The following SHISA9 variants were observed in gnomAD, a reference collection of about 807,000 sequenced individuals.
SHISA9 encodes the protein shisa family member 9.
SHISA9 carries 13 observed loss-of-function variants against 38.0 expected under a neutral mutation model. The observed-to-expected ratio is 0.34, with a 90% CI of 0.22 to 0.54. The LOEUF (loss-of-function observed/expected upper bound fraction) is 0.54. SHISA9 is among the 20% of genes least tolerant of loss of function. The pLI, the probability that SHISA9 is intolerant of heterozygous loss-of-function variation, is 0.91. For synonymous variants in SHISA9, 275 were observed against 242.0 expected, an observed-to-expected ratio of 1.14 and a Z score of -1.27; for missense variants, 538 against 575.8, an observed-to-expected ratio of 0.93 and a Z score of 0.67.
the SHISA9 span, among the ~76,000 whole-genome samples, chr16:13,497,781 C>G: frequency 6.6e-6 from 1 of 151,184 alleles, no homozygotes; most frequent in Non-Finnish European, 1.5e-5. Flanking sequence ...AGTTGACAGA[C>G]AGATACATGA....
chr16:13,438,584 A>C, the SHISA9 span, among the ~76,000 whole-genome samples: 1 of 152,358 alleles, frequency 6.6e-6, no homozygotes, highest in Middle Eastern at 3.4e-3. Flanking sequence ...ATGTAACTGA[A>C]AAATTAGACA....
intron 2 of SHISA9, among the ~76,000 whole-genome samples, chr16:13,178,326 GTT>G (rs11442158): frequency 3.5e-5 from 5 of 142,404 alleles, no homozygotes; most frequent in African/African-American, 7.7e-5. Flanking sequence ...CTCTCTCTGG[GTT>G]TTTTTTTTTT....
intron 2 of SHISA9, among the ~76,000 whole-genome samples, chr16:12,987,070 C>A (rs2072320720): frequency 1.3e-5 from 2 of 152,156 alleles, no homozygotes; most frequent in Non-Finnish European, 1.5e-5. Context: ...GAGGAACTGG[C>A]ACAGGTAAAT....
the SHISA9 span, among the ~76,000 whole-genome samples, chr16:13,385,762 C>A: frequency 2.0e-5 from 3 of 148,962 alleles, no homozygotes; most frequent in Admixed American, 6.7e-5. Context: ...AAATAGTACT[C>A]AGCAAAGAAA....
the SHISA9 span, among the ~76,000 whole-genome samples, chr16:13,392,173 C>T: frequency 6.6e-6 from 1 of 152,196 alleles, no homozygotes; most frequent in South Asian, 2.1e-4. Flanking sequence ...TTAGTTGTGT[C>T]TTCCTAATAT....
intron 1 of SHISA9, among the ~76,000 whole-genome samples, chr16:12,904,742 G>T (rs2071070432): frequency 6.6e-6 from 1 of 152,058 alleles, no homozygotes. Context: ...AGCTTCTAAG[G>T]TATGATTTTC....
chr16:13,259,483 C>T, the SHISA9 span, among the ~76,000 whole-genome samples: 1 of 152,222 alleles, frequency 6.6e-6, no homozygotes, highest in African/African-American at 2.4e-5. Context: ...AGTAGGGACT[C>T]TGTGTGGGGG....
chr16:13,258,320 C>T, the SHISA9 span: 3 of 152,128 alleles, frequency 2.0e-5, no homozygotes, highest in African/African-American at 2.4e-5. Context: ...TGTCCTTTAA[C>T]TTAACTTTTC....
chr16:13,217,636 G>T (rs376531148), intron 4 of SHISA9, among the ~76,000 whole-genome samples: 1 of 152,176 alleles, frequency 6.6e-6, no homozygotes, highest in South Asian at 2.1e-4. Flanking sequence ...TATAATAGGT[G>T]CTAAATAAGA....
intron 2 of SHISA9, among the ~76,000 whole-genome samples, chr16:12,930,778 T>C (rs1270451558): frequency 6.6e-6 from 1 of 152,188 alleles, no homozygotes; most frequent in Non-Finnish European, 1.5e-5. Flanking sequence ...CTCTAACAGT[T>C]ATGTTTCACA....
At chr16:13,423,726 T>C in the SHISA9 span, among the ~76,000 whole-genome samples, 1 of 152,162 alleles carries the variant, frequency 6.6e-6, no homozygotes, top group Admixed American at 6.5e-5. Context: ...TAAGGCTGTG[T>C]TCCAACCTGT....
intron 2 of SHISA9, among the ~76,000 whole-genome samples, chr16:13,117,843 G>A (rs185399514): frequency 7.2e-5 from 11 of 152,194 alleles, no homozygotes; most frequent in East Asian, 5.8e-4. Flanking sequence ...CTGGCTCTGC[G>A]GGAGCCTTTT....
intron 3 of SHISA9, among the ~76,000 whole-genome samples, chr16:13,212,150 C>G (rs1284860217): frequency 1.3e-5 from 2 of 152,136 alleles, no homozygotes; most frequent in African/African-American, 4.8e-5. Context: ...AGATGACAGA[C>G]TGTTCCCTGC....
At chr16:12,932,185 C>T (rs1325555990) in intron 2 of SHISA9, among the ~76,000 whole-genome samples, 1 of 152,078 alleles carries the variant, frequency 6.6e-6, no homozygotes, top group Admixed American at 6.6e-5. Context: ...TATAAATTAC[C>T]CAGTCTCAGG....
At chr16:13,469,322 G>GAAAGAAAGAAAGAAAGAAAGAA in the SHISA9 span, among the ~76,000 whole-genome samples, 16 of 72,024 alleles carry the variant, frequency 2.2e-4, no homozygotes, top group Admixed American at 1.7e-4. Context: ...GAGAGAGAGA[G>GAAAGAAAGAAAGAAAGAAAGAA]AAAGAAAGAA....
At chr16:13,131,579 T>G (rs564431194) in intron 2 of SHISA9, among the ~76,000 whole-genome samples, 1 of 152,106 alleles carries the variant, frequency 6.6e-6, no homozygotes, top group Admixed American at 6.6e-5. Flanking sequence ...TGTTTACCTA[T>G]GCAGCAAACC....
intron 2 of SHISA9, among the ~76,000 whole-genome samples, chr16:13,132,361 A>AT (rs900296120): frequency 1.3e-5 from 2 of 152,090 alleles, no homozygotes; most frequent in African/African-American, 2.4e-5. Flanking sequence ...TAATATTATT[A>AT]TTTTTTTCCC....
chr16:12,908,396 A>G (rs2071132343), intron 1 of SHISA9: 1 of 1,530,692 alleles, frequency 6.5e-7, no homozygotes, highest in Non-Finnish European at 8.8e-7. Context: ...GTGGTGTTGA[A>G]AAATCCTTGT....
At chr16:13,303,027 C>G in the SHISA9 span, among the ~76,000 whole-genome samples, 1 of 152,136 alleles carries the variant, frequency 6.6e-6, no homozygotes, top group Non-Finnish European at 1.5e-5. Flanking sequence ...TATAAATTAC[C>G]CAGTCTCGGG....
Sources: gnomAD v4.1 joint callset for allele counts (sites outside exome capture counted in the v4.1 genomes callset) on GRCh38, gnomAD v4.1.1 for gene constraint, MANE v1.5 for transcripts, NCBI Gene and HGNC (gene_info 2026-07-23, HGNC 2026-07-21) for gene names.